The following ZIM2 variants were observed in gnomAD, a reference collection of about 807,000 sequenced individuals.
ZIM2 encodes zinc finger protein 656.
Under a neutral mutation model 38.6 loss-of-function variants are expected in ZIM2, and 14 were observed. That is an observed-to-expected ratio of 0.36 (90% CI 0.24 to 0.57). The LOEUF is 0.57. Among genes scored for constraint, ZIM2 ranks in the 20% least tolerant of loss-of-function variants. The probability of loss-of-function intolerance (pLI) is 0.81; values close to 1 mark genes in which losing one functional copy is unlikely to be tolerated. For missense variants in ZIM2, 680 were observed against 695.1 expected, an observed-to-expected ratio of 0.98 and a Z score of 0.24; for synonymous variants, 247 against 245.8, an observed-to-expected ratio of 1.00 and a Z score of -0.04.
intron 9 of ZIM2, among the ~76,000 whole-genome samples, chr19:56,796,071 G>A (rs989057166): frequency 2.6e-5 from 4 of 152,172 alleles, no homozygotes; most frequent in Admixed American, 1.3e-4. Flanking sequence ...TAACTGATCT[G>A]AAGTGCCCCA....
Position 56,775,559 on chromosome 19 carries a change from C to A in ZIM2, c.836-30G>T. 2 of 1,564,842 alleles carry A rather than the reference C, an allele frequency of 1.3e-6. 1 individual carries two copies. Among genetic ancestry groups the A allele is most frequent in the Middle Eastern group, 3.5e-4 (2 of 5,774 alleles). On this transcript the variant is annotated intron_variant, in intron 12 of 12. Transcript: ENST00000629319. ...AGAGACAATGCCAGAAGTTACCTAC[C>A]GCCCAATTATCCAATCCTGCCCCCC...
chr19:56,821,676 G>A lies in ZIM2; in HGVS notation c.269C>T (p.Ser90Phe). 6.2e-7 allele frequency: 1 copy of A among 1,614,020 alleles called. No individual in the cohort carries two copies. The highest frequency in any genetic ancestry group is 1.3e-5 in the African/African-American group (1 of 75,022). ...CTGAGATCGGGACTCATAAGCCCTG[G>A]AGTCCCTGTCGTCCTCTCTGTCCAT... ...FEMDREDDRDSRAYESRSQDA... is the reference protein window; with the variant it reads ...FEMDREDDRDFRAYESRSQDA... Residue 90 changes from serine to phenylalanine, a missense_variant, in exon 7 of 13, where the codon TCC (serine) becomes TTC (phenylalanine). Coordinates refer to ENST00000629319, the MANE Select transcript of ZIM2 (RefSeq NM_001387356.1).
intron 3 of ZIM2, 110 bp from the exon 4 acceptor site, chr19:56,824,537 G>A: frequency 6.2e-7 from 1 of 1,614,164 alleles, no homozygotes; most frequent in South Asian, 1.1e-5. Flanking sequence ...CTCAGAGTCA[G>A]TTGGACCTTC....
intron 9 of ZIM2, among the ~76,000 whole-genome samples, chr19:56,792,024 G>A (rs1178394182): frequency 7.4e-6 from 1 of 134,622 alleles, no homozygotes; most frequent in African/African-American, 2.7e-5. Flanking sequence ...AATCCCAGGA[G>A]TTTTTTTTTT....
chr19:56,830,097 T>C (rs953623444), intron 2 of ZIM2, among the ~76,000 whole-genome samples: 7 of 152,230 alleles, frequency 4.6e-5, no homozygotes, highest in African/African-American at 1.2e-4. Context: ...TGAAGATGTA[T>C]GAATCCAACA....
intron 9 of ZIM2, among the ~76,000 whole-genome samples, chr19:56,800,176 G>A (rs747112505): frequency 2.6e-5 from 4 of 151,842 alleles, no homozygotes; most frequent in Non-Finnish European, 5.9e-5. Context: ...ATGTTTTGAT[G>A]TATGTAAATT....
chr19:56,838,608 C>A (rs1314550270), intron 1 of ZIM2, among the ~76,000 whole-genome samples: 1 of 152,214 alleles, frequency 6.6e-6, no homozygotes, highest in Non-Finnish European at 1.5e-5. Flanking sequence ...TGAGCCTCTG[C>A]CACCGTTAGC....
At chr19:56,817,465 G>A in intron 9 of ZIM2, 1 of 1,613,848 alleles carries the variant, frequency 6.2e-7, no homozygotes, top group Non-Finnish European at 8.5e-7. Context: ...TCCCGATTTG[G>A]AACTGCGTGA....
At chr19:56,838,222 C>G (rs1245949251) in intron 1 of ZIM2, among the ~76,000 whole-genome samples, 2 of 152,198 alleles carry the variant, frequency 1.3e-5, no homozygotes, top group African/African-American at 4.8e-5. Flanking sequence ...CTCACGTGCC[C>G]CATTACAGCC....
At chr19:56,820,676 C>G (rs183842919) in intron 7 of ZIM2, among the ~76,000 whole-genome samples, 2 of 152,290 alleles carry the variant, frequency 1.3e-5, no homozygotes, top group South Asian at 4.1e-4. Flanking sequence ...CAAATCAAGG[C>G]CCTTGTTACA....
intron 9 of ZIM2, chr19:56,811,696 A>T: frequency 1.0e-6 from 1 of 985,452 alleles, no homozygotes; most frequent in Non-Finnish European, 1.2e-6. Flanking sequence ...CCATGTAGTA[A>T]ACCTCACTGC....
At position 56,775,459 on chromosome 19, in the gene ZIM2, C is replaced by G. The variant is rs1272264213; in HGVS notation, c.906G>C (p.Met302Ile). 1.2e-6 allele frequency: 2 copies of G among 1,613,984 alleles called. No homozygotes were observed. The highest frequency in any genetic ancestry group is 1.7e-6 in the Non-Finnish European group (2 of 1,180,008). Residue 302 changes from methionine to isoleucine, a missense_variant, in exon 13 of 13, where the codon ATG becomes ATC. Physicochemically the swap from Met to Ile is conservative, Grantham distance 10. Transcript: ENST00000629319. Reference sequence around the variant, plus strand: ...CCGGAGTGAGGGTCTTGGGGTCATTCATTGTTATAGGAGTCAAAAGTTTCT... The same window carrying G: ...CCGGAGTGAGGGTCTTGGGGTCATTGATTGTTATAGGAGTCAAAAGTTTCT... Reference protein sequence around the residue: ...NQEKLLTPITMNDPKTLTPER... With the variant: ...NQEKLLTPITINDPKTLTPER...
intron 9 of ZIM2, among the ~76,000 whole-genome samples, chr19:56,807,414 C>T (rs997393420): frequency 3.3e-5 from 5 of 152,184 alleles, no homozygotes; most frequent in Admixed American, 3.3e-4. Flanking sequence ...CAGACAGAAA[C>T]TTTCCATATG....
chr19:56,807,845 T>A (rs1187590880), intron 9 of ZIM2, among the ~76,000 whole-genome samples: 1 of 152,130 alleles, frequency 6.6e-6, no homozygotes, highest in Non-Finnish European at 1.5e-5. Flanking sequence ...ATTCTCTGCT[T>A]GCAAGTAACT....
chr19:56,812,149 T>C lies in ZIM2; in HGVS notation c.490+5597A>G, dbSNP rs2059585042. 9.3e-6 allele frequency: 9 copies of C among 969,344 alleles called. No individual in the cohort carries two copies. In the South Asian group the frequency reaches 3.8e-4, roughly 41 times the overall value. The allele number at this position is 969,344 out of a possible 1,614,324, so 60.0% of individuals were successfully genotyped here. The stretch of plus-strand genomic sequence containing the variant: ...AATTTTTTAAATTTTATATTTTTTT[T>C]CCAGCCAACTCAAGGCCAAAAAAAA... On this transcript the variant is annotated intron_variant, in intron 9 of 12. Transcript: ENST00000629319.
chr19:56,777,655 T>C (rs993929937), intron 12 of ZIM2, among the ~76,000 whole-genome samples: 2 of 152,216 alleles, frequency 1.3e-5, no homozygotes, highest in African/African-American at 4.8e-5. Context: ...GCAATGTGGC[T>C]TGTGTGACTG....
At chr19:56,783,133 T>C (rs2046412963) in intron 10 of ZIM2, among the ~76,000 whole-genome samples, 2 of 152,256 alleles carry the variant, frequency 1.3e-5, no homozygotes, top group South Asian at 4.1e-4. Flanking sequence ...ATGTTTATTA[T>C]AGCATGTTTG....
At chr19:56,781,043 A>T (rs1174326087) in intron 11 of ZIM2, among the ~76,000 whole-genome samples, 1 of 152,230 alleles carries the variant, frequency 6.6e-6, no homozygotes, top group East Asian at 1.9e-4. Flanking sequence ...TGATACAATT[A>T]ATTTATTTCC....
chr19:56,827,451 A>G (rs2061154739), intron 2 of ZIM2, among the ~76,000 whole-genome samples: 1 of 152,148 alleles, frequency 6.6e-6, no homozygotes, highest in Non-Finnish European at 1.5e-5. Flanking sequence ...ACTTCCCACC[A>G]TGGCAGAGGA....
Sources: allele counts gnomAD v4.1 joint callset (sites outside exome capture counted in the v4.1 genomes callset), GRCh38; gene constraint gnomAD v4.1.1; transcripts MANE v1.5; gene names NCBI Gene and HGNC (gene_info 2026-07-23, HGNC 2026-07-21).